The following SLMAP variants were observed in gnomAD, a reference collection of about 807,000 sequenced individuals.
The protein encoded by SLMAP is sarcolemmal membrane-associated protein.
SLMAP carries 44 observed loss-of-function variants against 128.8 expected under a neutral mutation model. The ratio of observed to expected loss-of-function variants is 0.34; its 90% CI spans 0.27 to 0.44. The LOEUF (loss-of-function observed/expected upper bound fraction) is 0.44, where lower values mean the gene tolerates loss of function less well. SLMAP is among the 20% of genes least tolerant of loss of function. The pLI, the probability that SLMAP is intolerant of heterozygous loss-of-function variation, is 1.00. For synonymous variants in SLMAP, 327 were observed against 348.8 expected (o/e 0.94, Z 0.70); for missense variants, 787 against 985.3 (o/e 0.80, Z 2.69).
chr3:57,841,365 G>C lies in SLMAP; in HGVS notation c.413G>C (p.Arg138Pro). ...FLPDGMEARL[R>P]SDVIHAPLPS... is the part of the protein sequence containing the mutation. ...CCAGATGGTATGGAAGCCCGGCTCC[G>C]CTCAGAGTGAGTATAATTTAGTACT... is the stretch of plus-strand genomic sequence containing the variant. The change falls in exon 4 of 25, where the codon CGC (arginine) becomes CCC (proline). Residue 138 changes from arginine (R) to proline (P), a missense_variant. By Grantham distance (103) the Arg-to-Pro change is moderately radical. Coordinates refer to ENST00000671191, the MANE Select transcript of SLMAP (RefSeq NM_001377540.1). 4.4e-6 allele frequency: 7 copies of C among 1,600,042 alleles called. No homozygotes were observed. Among genetic ancestry groups the C allele is most frequent in the Non-Finnish European group, 6.0e-6 (7 of 1,169,060 alleles).
intron 2 of SLMAP, among the ~76,000 whole-genome samples, chr3:57,767,344 A>G (rs1338139242): frequency 1.3e-5 from 2 of 152,238 alleles, no homozygotes; most frequent in Non-Finnish European, 2.9e-5. Context: ...GAATGAGGGA[A>G]ATGTGAACAA....
chr3:57,834,482 A>T (rs1444664082), intron 3 of SLMAP, among the ~76,000 whole-genome samples: 1 of 152,180 alleles, frequency 6.6e-6, no homozygotes, highest in Non-Finnish European at 1.5e-5. Context: ...TATGGCAAAG[A>T]GAAAAGAAAA....
chr3:57,778,947 A>G (rs1047757422), intron 2 of SLMAP, among the ~76,000 whole-genome samples: 2 of 152,120 alleles, frequency 1.3e-5, no homozygotes, highest in African/African-American at 4.8e-5. Flanking sequence ...TCTCCTAGGT[A>G]TATACTCTAG....
In SLMAP at chr3:57,862,377, C is replaced by T. The variant is rs550216260; in HGVS notation, c.966+291C>T. ...AGTTTGGGCCAGGCGCAGTGGCTCA[C>T]GCCTGTAATCCCAGCACTTTGGGAG... On this transcript the variant is annotated intron_variant, in intron 10 of 24. Coordinates refer to ENST00000671191, the MANE Select transcript of SLMAP (RefSeq NM_001377540.1). Among the ~76,000 whole-genome samples the T allele has an allele frequency of 4.3e-4, 65 of 151,988 alleles. 1 individual carries two copies. The South Asian group carries it at 0.012, about 29-fold the overall frequency.
At chr3:57,872,488 A>G (rs2095505494) in intron 14 of SLMAP, among the ~76,000 whole-genome samples, 1 of 151,468 alleles carries the variant, frequency 6.6e-6, no homozygotes, top group African/African-American at 2.4e-5. Flanking sequence ...GTGTGGTGGC[A>G]GGCGCCTATA....
intron 14 of SLMAP, among the ~76,000 whole-genome samples, chr3:57,878,873 A>G (rs2095662551): frequency 6.6e-6 from 1 of 152,230 alleles, no homozygotes; most frequent in Non-Finnish European, 1.5e-5. Context: ...CAGTTACAGC[A>G]GCAGATTGTC....
chr3:57,857,691 T>C (rs2094860908), intron 6 of SLMAP, 42 bp from the exon 7 acceptor site: 2 of 1,297,452 alleles, frequency 1.5e-6, no homozygotes, highest in East Asian at 2.3e-5. Flanking sequence ...AAAAGAATCA[T>C]GATGAGCTTA....
At chr3:57,919,196 T>C (rs2096868632) in intron 22 of SLMAP, among the ~76,000 whole-genome samples, 1 of 151,884 alleles carries the variant, frequency 6.6e-6, no homozygotes, top group African/African-American at 2.4e-5. Context: ...GCCTGACCAA[T>C]ATGATGAAAC....
intron 2 of SLMAP, among the ~76,000 whole-genome samples, chr3:57,814,901 T>C (rs2091627565): frequency 6.6e-6 from 1 of 152,034 alleles, no homozygotes; most frequent in African/African-American, 2.4e-5. Context: ...GGTGGGAGGA[T>C]CTCTTGATCC....
intron 17 of SLMAP, among the ~76,000 whole-genome samples, chr3:57,906,729 G>A (rs1349628136): frequency 2.0e-5 from 3 of 148,926 alleles, no homozygotes; most frequent in African/African-American, 7.4e-5. Context: ...TAATTGTATT[G>A]TGAAAGTTAT....
chr3:57,757,843 G>T lies in SLMAP; in HGVS notation c.192G>T (p.Thr64=). Residue 64 remains threonine, a synonymous_variant, in exon 2 of 25, where the codon ACG becomes ACT. Transcript: ENST00000671191. Reference sequence around the variant, plus strand: ...CTCTCGTCTGGTTTGATCACAAGACGGGCAAGGTAATGTCACCACATTGTC... The same window carrying T: ...CTCTCGTCTGGTTTGATCACAAGACTGGCAAGGTAATGTCACCACATTGTC... ...NHALVWFDHK[T]GKFYLQDTKS... is the part of the protein sequence containing the mutation. 2 of 1,613,984 alleles carry T rather than the reference G, an allele frequency of 1.2e-6. No homozygotes were observed. Among genetic ancestry groups the T allele is most frequent in the South Asian group, 1.1e-5 (1 of 91,066 alleles).
At chr3:57,792,281 TA>T (rs1368115413) in intron 2 of SLMAP, among the ~76,000 whole-genome samples, 1 of 151,984 alleles carries the variant, frequency 6.6e-6, no homozygotes, top group Non-Finnish European at 1.5e-5. Context: ...CAAGTAAACT[TA>T]TAAGTAAATT....
At chr3:57,778,197 CTTGAG>C (rs1201464557) in intron 2 of SLMAP, among the ~76,000 whole-genome samples, 1 of 151,992 alleles carries the variant, frequency 6.6e-6, no homozygotes, top group Non-Finnish European at 1.5e-5. Context: ...TCTATTTTTT[CTTGAG>C]TTAACTTTGA....
At chr3:57,756,403 A>T (rs1299484645) in intron 1 of SLMAP, 61 bp downstream of exon 1, 1 of 152,670 alleles carries the variant, frequency 6.6e-6, no homozygotes, top group Non-Finnish European at 1.5e-5. Context: ...CCTGGCTCCA[A>T]ATCCTCGTAG....
rs370759737 is a variant in SLMAP, at chr3:57,849,866, T to C, written c.519+50T>C. On this transcript the variant is annotated intron_variant, in intron 6 of 24. Coordinates refer to ENST00000671191, the MANE Select transcript of SLMAP (RefSeq NM_001377540.1). Reference sequence around the variant, plus strand: ...TAAAAGCAGAATTTCTTTTAAACTTTTAAAAGTTCTTAAAAGCAGAATTAG... The same window carrying C: ...TAAAAGCAGAATTTCTTTTAAACTTCTAAAAGTTCTTAAAAGCAGAATTAG... 1.6e-4 allele frequency: 163 copies of C among 1,014,834 alleles called. 1 individual carries two copies. In the South Asian group the frequency reaches 2.0e-3, roughly 12 times the overall value. 62.9% of individuals were successfully genotyped at this position (1,014,834 alleles called of 1,614,324 possible).
At chr3:57,883,937 CTT>C (rs56691913) in intron 14 of SLMAP, among the ~76,000 whole-genome samples, 149 of 126,474 alleles carry the variant, frequency 1.2e-3, no homozygotes, top group East Asian at 8.7e-3. Flanking sequence ...TCTTTTCTTT[CTT>C]TTTTTTTTTT....
intron 2 of SLMAP, among the ~76,000 whole-genome samples, chr3:57,771,124 C>T (rs2080760672): frequency 6.6e-6 from 1 of 151,624 alleles, no homozygotes. Flanking sequence ...CTGTATGCTG[C>T]TCCTGCTCCT....
At chr3:57,794,903 T>G (rs563500045) in intron 2 of SLMAP, among the ~76,000 whole-genome samples, 2 of 152,360 alleles carry the variant, frequency 1.3e-5, no homozygotes, top group South Asian at 4.1e-4. Flanking sequence ...GTACAAGCTT[T>G]TGTGTGAATT....
rs1264808416 is a variant in SLMAP at position 57,758,697 on chromosome 3, CGTAA to C, written c.198+851_198+854del. Among the ~76,000 whole-genome samples, 3 of 152,234 alleles carry C rather than the reference CGTAA, an allele frequency of 2.0e-5. No homozygotes were observed. The East Asian group carries it at 5.8e-4, about 29-fold the overall frequency. On this transcript the variant is annotated intron_variant, in intron 2 of 24. Coordinates refer to ENST00000671191, the MANE Select transcript of SLMAP (RefSeq NM_001377540.1). ...CAATTTAGTATTTTTATGTTAGTAT[CGTAA>C]GTTACTATACATGTATGTGCTTTTA...
Sources: gnomAD v4.1 joint callset for allele counts (sites outside exome capture counted in the v4.1 genomes callset) on GRCh38, gnomAD v4.1.1 for gene constraint, MANE v1.5 for transcripts, NCBI Gene and HGNC (gene_info 2026-07-23, HGNC 2026-07-21) for gene names.